CA10: variants seen among roughly 807,000 people sequenced by gnomAD.
The protein encoded by CA10 is carbonic anhydrase-related protein 10.
A neutral mutation model predicts 44.2 loss-of-function variants in CA10; 14 were observed. The observed-to-expected ratio is 0.32, with a 90% confidence interval of 0.21 to 0.50. The LOEUF (loss-of-function observed/expected upper bound fraction) is 0.50. CA10 is among the 20% of genes least tolerant of loss of function. The pLI is 0.99. For synonymous variants in CA10, 159 were observed against 141.6 expected (o/e 1.12, Z -0.87); for missense variants, 350 against 409.7 (o/e 0.85, Z 1.26).
chr17:52,075,768 AG>A (rs1466415198), intron 1 of CA10, among the ~76,000 whole-genome samples: 1 of 152,148 alleles, frequency 6.6e-6, no homozygotes, highest in African/African-American at 2.4e-5. Context: ...TGCTATTTAT[AG>A]TACTTACATG....
chr17:51,813,325 C>T (rs531024356), intron 3 of CA10, among the ~76,000 whole-genome samples: 35 of 152,352 alleles, frequency 2.3e-4, no homozygotes, highest in East Asian at 5.8e-4. Flanking sequence ...TGCACACCTA[C>T]GGTGCAGGTT....
intron 2 of CA10, among the ~76,000 whole-genome samples, chr17:52,023,585 C>T (rs889775557): frequency 1.3e-5 from 2 of 151,810 alleles, no homozygotes; most frequent in African/African-American, 4.8e-5. Context: ...TCCTCAAGAA[C>T]AATTGCAACA....
chr17:51,658,189 G>C (rs934993657), intron 4 of CA10, among the ~76,000 whole-genome samples: 3 of 152,082 alleles, frequency 2.0e-5, no homozygotes, highest in Non-Finnish European at 4.4e-5. Flanking sequence ...GATGTGACTT[G>C]ACTTCTCATT....
At chr17:51,927,581 C>T (rs1002927632) in intron 3 of CA10, among the ~76,000 whole-genome samples, 1 of 152,138 alleles carries the variant, frequency 6.6e-6, no homozygotes, top group Non-Finnish European at 1.5e-5. Flanking sequence ...TCCTGTATTT[C>T]ATTTTCAAAT....
At chr17:51,812,302 G>T (rs375599063) in intron 3 of CA10, among the ~76,000 whole-genome samples, 1 of 152,016 alleles carries the variant, frequency 6.6e-6, no homozygotes, top group Admixed American at 6.6e-5. Context: ...ATAATTTTAC[G>T]TTTTTTTCTG....
chr17:52,058,643 A>G (rs1385992296), intron 2 of CA10, among the ~76,000 whole-genome samples: 1 of 152,208 alleles, frequency 6.6e-6, no homozygotes, highest in Non-Finnish European at 1.5e-5. Flanking sequence ...TTCAGATTTC[A>G]CTATGTTTAA....
intron 2 of CA10, among the ~76,000 whole-genome samples, chr17:51,984,505 A>G (rs1984761554): frequency 6.6e-6 from 1 of 151,926 alleles, no homozygotes; most frequent in South Asian, 2.1e-4. Context: ...AATAACCAAG[A>G]TCACAGCAGA....
At chr17:51,652,822 T>C (rs1406111437) in intron 5 of CA10, among the ~76,000 whole-genome samples, 1 of 152,198 alleles carries the variant, frequency 6.6e-6, no homozygotes, top group Non-Finnish European at 1.5e-5. Flanking sequence ...GGGCACTTTC[T>C]CTAATGATCT....
intron 3 of CA10, chr17:51,748,466 CT>C: frequency 1.0e-6 from 1 of 985,432 alleles, no homozygotes; most frequent in Non-Finnish European, 1.2e-6. Flanking sequence ...CCCCTTCAAA[CT>C]GCTAACATGA....
chr17:52,094,823 G>A (rs956267772), intron 1 of CA10, among the ~76,000 whole-genome samples: 3 of 152,152 alleles, frequency 2.0e-5, no homozygotes, highest in Non-Finnish European at 4.4e-5. Context: ...GTATTGGCAG[G>A]AATGTGGTGC....
intron 3 of CA10, among the ~76,000 whole-genome samples, chr17:51,864,691 C>T (rs554302609): frequency 3.3e-5 from 5 of 152,292 alleles, no homozygotes; most frequent in African/African-American, 1.2e-4. Flanking sequence ...AACAAAGGTG[C>T]CTTGATGCAG....
chr17:52,036,138 T>C (rs953191951), intron 2 of CA10, among the ~76,000 whole-genome samples: 1 of 152,180 alleles, frequency 6.6e-6, no homozygotes, highest in Non-Finnish European at 1.5e-5. Flanking sequence ...AGGGGCCACA[T>C]GTGGGGGTGT....
At chr17:51,764,332 A>T (rs1264227092) in intron 3 of CA10, among the ~76,000 whole-genome samples, 1 of 152,180 alleles carries the variant, frequency 6.6e-6, no homozygotes, top group Non-Finnish European at 1.5e-5. Context: ...CTTGGTGATG[A>T]TGCTTCCCTG....
chr17:51,991,285 TA>T (rs1354136406), intron 2 of CA10, among the ~76,000 whole-genome samples: 3 of 152,172 alleles, frequency 2.0e-5, no homozygotes, highest in Non-Finnish European at 4.4e-5. Context: ...ATCCCTATTT[TA>T]AACTTTCTAA....
intron 2 of CA10, among the ~76,000 whole-genome samples, chr17:51,977,028 A>G (rs1035256849): frequency 3.3e-5 from 5 of 151,840 alleles, no homozygotes; most frequent in African/African-American, 1.2e-4. Flanking sequence ...AAGTGTGACC[A>G]ACCCTGTATA....
chr17:52,139,342 A>T (rs576408341), intron 1 of CA10, among the ~76,000 whole-genome samples: 2 of 152,300 alleles, frequency 1.3e-5, no homozygotes, highest in Admixed American at 1.3e-4. Flanking sequence ...TAGAAAGCAA[A>T]ATTATATCTG....
chr17:51,947,224 CAAAAAAAA>C (rs1198796736), intron 2 of CA10, among the ~76,000 whole-genome samples: 22 of 52,118 alleles, frequency 4.2e-4, no homozygotes, highest in African/African-American at 1.5e-3. Flanking sequence ...TCTTCATGTG[CAAAAAAAA>C]AAAAAAAAAA....
intron 4 of CA10, among the ~76,000 whole-genome samples, chr17:51,657,430 C>T (rs185519531): frequency 6.1e-4 from 93 of 152,278 alleles, no homozygotes; most frequent in Admixed American, 1.0e-3. Context: ...CACAATAATG[C>T]TAACCCAATA....
At chr17:51,952,454 G>C (rs1983520309) in intron 2 of CA10, among the ~76,000 whole-genome samples, 1 of 152,044 alleles carries the variant, frequency 6.6e-6, no homozygotes, top group Non-Finnish European at 1.5e-5. Context: ...GGCTGAGGTG[G>C]GAAGATCACT....
Sources: gnomAD v4.1 joint callset for allele counts (sites outside exome capture counted in the v4.1 genomes callset) on GRCh38, gnomAD v4.1.1 for gene constraint, MANE v1.5 for transcripts, NCBI Gene and HGNC (gene_info 2026-07-23, HGNC 2026-07-21) for gene names.